Variants in FBXW11 observed in about 807,000 individuals in gnomAD.
FBXW11 encodes F-box/WD repeat-containing protein 11.
In FBXW11, 19 loss-of-function variants were observed where a neutral mutation model predicts 77.6. The ratio of observed to expected loss-of-function variants is 0.24; its 90% CI spans 0.17 to 0.36. The LOEUF (loss-of-function observed/expected upper bound fraction) is 0.36, where lower values mean the gene tolerates loss of function less well. Among genes scored for constraint, FBXW11 ranks in the 10% least tolerant of loss-of-function variants. The pLI is 1.00. For synonymous variants in FBXW11, 235 were observed against 249.4 expected (o/e 0.94, Z 0.54); for missense variants, 334 against 704.2 (o/e 0.47, Z 5.95).
At chr5:171,873,511 A>C (rs1250654846) in intron 9 of FBXW11, among the ~76,000 whole-genome samples, 2 of 152,172 alleles carry the variant, frequency 1.3e-5, no homozygotes, top group Non-Finnish European at 2.9e-5. Flanking sequence ...GCATGGCAGC[A>C]TGCACCTGTG....
chr5:171,936,361 C>T (rs1323492795), intron 2 of FBXW11, among the ~76,000 whole-genome samples: 1 of 151,212 alleles, frequency 6.6e-6, no homozygotes, highest in Non-Finnish European at 1.5e-5. Flanking sequence ...TGTGGTAGCC[C>T]GCACCTGTAG....
chr5:171,983,025 ACCTG>A (rs1765234676), intron 1 of FBXW11, among the ~76,000 whole-genome samples: 1 of 152,054 alleles, frequency 6.6e-6, no homozygotes. Context: ...AACATGGAAC[ACCTG>A]GTCTATACAA....
chr5:171,924,765 A>T (rs1040375775), intron 2 of FBXW11, among the ~76,000 whole-genome samples: 1 of 37,856 alleles, frequency 2.6e-5, no homozygotes, highest in Admixed American at 2.6e-4. Context: ...AACACGTCCC[A>T]CCCCCCCACC....
At chr5:171,913,874 C>CACACACA (rs1561677978) in intron 3 of FBXW11, among the ~76,000 whole-genome samples, 1 of 149,734 alleles carries the variant, frequency 6.7e-6, no homozygotes, top group Non-Finnish European at 1.5e-5. Context: ...CACACACACA[C>CACACACA]AACCTGGGAA....
intron 1 of FBXW11, among the ~76,000 whole-genome samples, chr5:171,965,439 T>C (rs933797295): frequency 6.6e-6 from 1 of 151,608 alleles, no homozygotes; most frequent in Non-Finnish European, 1.5e-5. Flanking sequence ...GGCACGAGAA[T>C]TGCTTGAACC....
intron 4 of FBXW11, among the ~76,000 whole-genome samples, chr5:171,909,027 A>T (rs1760712771): frequency 6.6e-6 from 1 of 152,224 alleles, no homozygotes; most frequent in African/African-American, 2.4e-5. Flanking sequence ...CACTGGCCAC[A>T]TCAGAGGAAA....
chr5:171,895,555 T>C (rs1458470137), intron 6 of FBXW11, among the ~76,000 whole-genome samples: 1 of 152,168 alleles, frequency 6.6e-6, no homozygotes, highest in Admixed American at 6.5e-5. Context: ...ATGCAATGAA[T>C]GAAGAGAGGA....
At chr5:172,001,323 G>A (rs1412993252) in intron 1 of FBXW11, among the ~76,000 whole-genome samples, 3 of 152,224 alleles carry the variant, frequency 2.0e-5, no homozygotes, top group Non-Finnish European at 2.9e-5. Context: ...GATATGATAA[G>A]TCCCATAAAA....
In FBXW11 at chr5:171,862,714, G is replaced by A. The variant is rs1209464898; in HGVS notation, c.*1413C>T. On this transcript the variant is annotated 3_prime_UTR_variant, in exon 14 of 14. Transcript: ENST00000517395. ...ACCTGCTGGGGCCACAGCAGCAGCT[G>A]ACACCAGAGATGACTGGGGTGGCAT... The A allele has an allele frequency of 6.6e-6, 1 of 152,526 alleles. No homozygotes were observed. The highest frequency in any genetic ancestry group is 1.9e-4 in the East Asian group (1 of 5,204). The allele number at this position is 152,526 out of a possible 1,614,324, so 9.4% of individuals were successfully genotyped here.
intron 13 of FBXW11, among the ~76,000 whole-genome samples, chr5:171,867,435 T>C (rs910677871): frequency 6.6e-6 from 1 of 151,892 alleles, no homozygotes; most frequent in African/African-American, 2.4e-5. Context: ...GTAAAAACTA[T>C]TCTTAGCCTG....
At position 171,870,948 on chromosome 5, in the gene FBXW11, A is replaced by G. The variant is rs568261027; in HGVS notation, c.1341-90T>C. ...TTTTATATCTGTTCCATACAGATAC[A>G]ATTTTTCACTATCTTGGAGCTCTTT... On this transcript the variant is annotated intron_variant, in intron 10 of 13. Transcript: ENST00000517395. 65 of 814,460 alleles carry G rather than the reference A, an allele frequency of 8.0e-5. No individual in the cohort carries two copies. The African/African-American group carries it at 1.0e-3, about 13-fold the overall frequency. 50.5% of individuals were successfully genotyped at this position (814,460 alleles called of 1,614,324 possible).
chr5:171,995,771 T>G (rs1766011018), intron 1 of FBXW11, among the ~76,000 whole-genome samples: 1 of 152,004 alleles, frequency 6.6e-6, no homozygotes. Flanking sequence ...AAAATCATAT[T>G]AAATTATTAA....
At chr5:171,984,001 C>T (rs2099322) in intron 1 of FBXW11, among the ~76,000 whole-genome samples, 128,440 of 151,896 alleles carry the variant, frequency 0.85, 55,471 homozygotes, top group East Asian at 0.98. Context: ...AAACTACAGC[C>T]ACACATAATA....
intron 10 of FBXW11, among the ~76,000 whole-genome samples, chr5:171,871,946 T>G (rs369118024): frequency 6.6e-6 from 1 of 152,198 alleles, no homozygotes; most frequent in African/African-American, 2.4e-5. Context: ...TTAAGAACTG[T>G]TTATTGATGA....
chr5:171,965,380 A>T (rs868628576), intron 1 of FBXW11, among the ~76,000 whole-genome samples: 73 of 152,144 alleles, frequency 4.8e-4, no homozygotes, highest in African/African-American at 1.7e-3. Flanking sequence ...ACAAAAAATT[A>T]GCCAGGCAGG....
At chr5:171,905,858 C>T (rs1581179871) in intron 4 of FBXW11, among the ~76,000 whole-genome samples, 1 of 152,126 alleles carries the variant, frequency 6.6e-6, no homozygotes, top group Non-Finnish European at 1.5e-5. Context: ...CTCTATCATG[C>T]TGAGACTCCC....
At chr5:171,969,006 A>C (rs1420735521) in intron 1 of FBXW11, among the ~76,000 whole-genome samples, 1 of 152,202 alleles carries the variant, frequency 6.6e-6, no homozygotes, top group Non-Finnish European at 1.5e-5. Context: ...GTGGTGGCTC[A>C]TGCCTGTAAT....
At chr5:171,974,908 C>T (rs1290437482) in intron 1 of FBXW11, among the ~76,000 whole-genome samples, 1 of 152,180 alleles carries the variant, frequency 6.6e-6, no homozygotes, top group Admixed American at 6.5e-5. Context: ...GATTCTCCTG[C>T]CTCAACCTTC....
chr5:171,880,283 T>C (rs1263971083), intron 7 of FBXW11, among the ~76,000 whole-genome samples: 1 of 152,248 alleles, frequency 6.6e-6, no homozygotes, highest in African/African-American at 2.4e-5. Context: ...GGGCTCTCTA[T>C]TCTGTTCCAT....
Sources: allele counts gnomAD v4.1 joint callset (sites outside exome capture counted in the v4.1 genomes callset), GRCh38; gene constraint gnomAD v4.1.1; transcripts MANE v1.5; gene names NCBI Gene and HGNC (gene_info 2026-07-23, HGNC 2026-07-21).